PTPRR: variants seen among roughly 807,000 people sequenced by gnomAD.
PTPRR encodes the protein protein tyrosine phosphatase receptor type R, also known as receptor-type tyrosine-protein phosphatase R.
Under a neutral mutation model 77.2 loss-of-function variants are expected in PTPRR, and 38 were observed. That is an observed-to-expected ratio of 0.49 (90% CI 0.38 to 0.65). The LOEUF (loss-of-function observed/expected upper bound fraction) is 0.65. Among genes scored for constraint, PTPRR ranks in the 30% least tolerant of loss-of-function variants. The pLI, the probability that PTPRR is intolerant of heterozygous loss-of-function variation, is 0.00. For synonymous variants in PTPRR, 299 were observed against 283.1 expected, an observed-to-expected ratio of 1.06 and a Z score of -0.57; for missense variants, 744 against 799.2, an observed-to-expected ratio of 0.93 and a Z score of 0.83.
intron 1 of PTPRR, among the ~76,000 whole-genome samples, chr12:70,906,194 G>A (rs1275632776): frequency 6.6e-6 from 1 of 151,970 alleles, no homozygotes; most frequent in Non-Finnish European, 1.5e-5. Context: ...CTTCTCGTCT[G>A]TGTTAGCTCA....
chr12:70,674,705 A>C lies in PTPRR; in HGVS notation c.1497+9422T>G, dbSNP rs188258762. Among the ~76,000 whole-genome samples, 6 of 152,254 alleles carry C rather than the reference A, an allele frequency of 3.9e-5. No homozygotes were observed. The East Asian group carries it at 1.2e-3, about 29-fold the overall frequency. ...CTTTGAAAATTTATATTATGAGATT[A>C]TTGATTGGAAGGTTCTATATATCTT... On this transcript the variant is annotated intron_variant, in intron 10 of 13. Coordinates refer to ENST00000283228, the MANE Select transcript of PTPRR (RefSeq NM_002849.4).
intron 2 of PTPRR, among the ~76,000 whole-genome samples, chr12:70,878,049 G>A (rs1355220164): frequency 6.6e-6 from 1 of 152,166 alleles, no homozygotes; most frequent in Non-Finnish European, 1.5e-5. Context: ...CTAGCCATAT[G>A]TAGAAAGCTG....
intron 8 of PTPRR, 130 bp downstream of exon 8, chr12:70,698,135 G>C (rs1329106550): frequency 6.4e-6 from 4 of 628,514 alleles, no homozygotes; most frequent in Admixed American, 2.5e-5. Context: ...TGTTACATAG[G>C]TATACATGTG....
intron 6 of PTPRR, among the ~76,000 whole-genome samples, chr12:70,723,858 A>C (rs1182683265): frequency 6.6e-6 from 1 of 152,054 alleles, no homozygotes; most frequent in Non-Finnish European, 1.5e-5. Context: ...TGCTTTATTC[A>C]TTTATTTACA....
intron 2 of PTPRR, among the ~76,000 whole-genome samples, chr12:70,851,296 A>C (rs1202607719): frequency 6.6e-6 from 1 of 152,174 alleles, no homozygotes; most frequent in Non-Finnish European, 1.5e-5. Context: ...GACAAAAATA[A>C]GTGAGAATGA....
chr12:70,764,846 C>A, intron 2 of PTPRR, 68 bp from the exon 3 acceptor site: 1 of 1,137,538 alleles, frequency 8.8e-7, no homozygotes, highest in Non-Finnish European at 1.3e-6. Flanking sequence ...AGAATACATC[C>A]AAATAAGTAT....
At position 70,662,497 on chromosome 12, in the gene PTPRR, T is replaced by C; in HGVS notation, c.1606A>G (p.Lys536Glu). Residue 536 changes from lysine to glutamate, a missense_variant and splice_region_variant, in exon 11 of 14, where the codon AAG becomes GAG. Lys to Glu is a moderately conservative substitution (Grantham distance 56, BLOSUM62 1). Coordinates refer to ENST00000283228, the MANE Select transcript of PTPRR (RefSeq NM_002849.4). ...DNYTIRNLVL[K>E]QGSHTQHVKH... ...TGGCTATAGCTACATAATCTTACCT[T>C]TAAGACAAGGTTTCGAATGGTGTAG... 6.3e-7 allele frequency: 1 copy of C among 1,580,822 alleles called. No homozygotes were observed. The highest frequency in any genetic ancestry group is 8.7e-7 in the Non-Finnish European group (1 of 1,152,650).
In PTPRR at chr12:70,726,364, T is replaced by C. The variant is rs1020270398; in HGVS notation, c.1007+19454A>G. On this transcript the variant is annotated intron_variant, in intron 6 of 13. Transcript: ENST00000283228. ...CCAGGCCACCTGTATTCTATATTTATTGCACACCTCTCATGGCCAATTGGA... is the reference window on the plus strand; with the variant it reads ...CCAGGCCACCTGTATTCTATATTTACTGCACACCTCTCATGGCCAATTGGA... Among the ~76,000 whole-genome samples the C allele has an allele frequency of 2.6e-5, 4 of 152,100 alleles. No homozygotes were observed. The East Asian group carries it at 7.7e-4, about 29-fold the overall frequency.
chr12:70,832,162 C>T (rs1469760825), intron 2 of PTPRR, among the ~76,000 whole-genome samples: 1 of 152,164 alleles, frequency 6.6e-6, no homozygotes, highest in Non-Finnish European at 1.5e-5. Context: ...CTCTGTGATG[C>T]ATTAACAAAT....
chr12:70,711,004 A>T (rs1565659818), intron 6 of PTPRR, among the ~76,000 whole-genome samples: 1 of 152,142 alleles, frequency 6.6e-6, no homozygotes, highest in African/African-American at 2.4e-5. Flanking sequence ...TTCCTTAAAG[A>T]CCTATAGACA....
At chr12:70,844,719 T>C (rs1020994489) in intron 2 of PTPRR, among the ~76,000 whole-genome samples, 2 of 152,198 alleles carry the variant, frequency 1.3e-5, no homozygotes, top group Admixed American at 1.3e-4. Context: ...TTAAGGTTCA[T>C]CATTTACAAA....
chr12:70,684,294 G>T, intron 9 of PTPRR, 30 bp from the exon 10 acceptor site: 1 of 1,594,320 alleles, frequency 6.3e-7, no homozygotes, highest in Non-Finnish European at 8.6e-7. Flanking sequence ...AAAAATATTG[G>T]TTTTTAAGTT....
At chr12:70,805,656 G>T (rs1333203739) in intron 2 of PTPRR, among the ~76,000 whole-genome samples, 1 of 152,178 alleles carries the variant, frequency 6.6e-6, no homozygotes, top group Non-Finnish European at 1.5e-5. Flanking sequence ...CTTCAGGGAG[G>T]TTGTAAAATA....
intron 2 of PTPRR, among the ~76,000 whole-genome samples, chr12:70,765,726 C>T (rs1161410940): frequency 1.3e-5 from 2 of 152,162 alleles, no homozygotes; most frequent in Non-Finnish European, 2.9e-5. Context: ...GGTCCCTGAC[C>T]CCTGACCCCT....
intron 2 of PTPRR, among the ~76,000 whole-genome samples, chr12:70,855,831 TAAC>T (rs1407703535): frequency 2.6e-5 from 4 of 152,162 alleles, no homozygotes; most frequent in African/African-American, 9.6e-5. Context: ...AACCTGCATA[TAAC>T]AACAATGTTT....
At chr12:70,848,300 T>C (rs1016501313) in intron 2 of PTPRR, among the ~76,000 whole-genome samples, 2 of 152,352 alleles carry the variant, frequency 1.3e-5, no homozygotes, top group African/African-American at 4.8e-5. Flanking sequence ...TCCCTTCGAA[T>C]ATTTCTATGT....
At chr12:70,887,687 A>G (rs948997312) in intron 2 of PTPRR, among the ~76,000 whole-genome samples, 2 of 152,140 alleles carry the variant, frequency 1.3e-5, no homozygotes, top group Non-Finnish European at 2.9e-5. Context: ...TTCCTGATTC[A>G]GGCAGGAATA....
chr12:70,803,831 ATCT>A (rs1891659610), intron 2 of PTPRR, among the ~76,000 whole-genome samples: 4 of 152,228 alleles, frequency 2.6e-5, no homozygotes, highest in East Asian at 3.9e-4. Context: ...TTTGCAATTG[ATCT>A]TCTTTACTGC....
chr12:70,810,421 A>G (rs1269842591), intron 2 of PTPRR, among the ~76,000 whole-genome samples: 1 of 152,194 alleles, frequency 6.6e-6, no homozygotes, highest in African/African-American at 2.4e-5. Flanking sequence ...TTACTTTCAC[A>G]GAGGTCTTTT....
Sources: allele counts gnomAD v4.1 joint callset (sites outside exome capture counted in the v4.1 genomes callset), GRCh38; gene constraint gnomAD v4.1.1; transcripts MANE v1.5; gene names NCBI Gene and HGNC (gene_info 2026-07-23, HGNC 2026-07-21).